The following NEK6 variants were observed in gnomAD, a reference collection of about 807,000 sequenced individuals.
NEK6 encodes serine/threonine-protein kinase Nek6.
NEK6 carries 27 observed loss-of-function variants against 43.5 expected under a neutral mutation model. That is an observed-to-expected ratio of 0.62 (90% CI 0.46 to 0.86). The LOEUF is 0.86. Among genes scored for constraint, NEK6 ranks in the 40% least tolerant of loss-of-function variants. NEK6 has a pLI of 0.00. For missense variants in NEK6, 318 were observed against 414.4 expected, an observed-to-expected ratio of 0.77 and a Z score of 2.02; for synonymous variants, 167 against 164.1, an observed-to-expected ratio of 1.02 and a Z score of -0.14.
At chr9:124,258,549 A>G (rs2065221) in intron 1 of NEK6, among the ~76,000 whole-genome samples, 91,091 of 152,130 alleles carry the variant, frequency 0.6, 27,483 homozygotes, top group East Asian at 0.79. Context: ...GGGCGAAAGT[A>G]TGCCTGTGTG....
chr9:124,292,790 G>A (rs78141533), intron 1 of NEK6: 24,772 of 1,369,320 alleles, frequency 0.018, 520 homozygotes, highest in Non-Finnish European at 0.018. Context: ...TCTGCCAACT[G>A]CTGGGGCCAT....
intron 1 of NEK6, among the ~76,000 whole-genome samples, chr9:124,289,918 G>A (rs1341920684): frequency 6.6e-6 from 1 of 152,144 alleles, no homozygotes; most frequent in Non-Finnish European, 1.5e-5. Flanking sequence ...TGGGCCACCA[G>A]ACCACACACA....
chr9:124,278,227 C>T (rs1008271025), intron 1 of NEK6, among the ~76,000 whole-genome samples: 2 of 152,208 alleles, frequency 1.3e-5, no homozygotes, highest in Non-Finnish European at 2.9e-5. Flanking sequence ...GGAGGCGAGA[C>T]CGTCTGGGTT....
chr9:124,315,041 G>C (rs1833748244), intron 4 of NEK6, among the ~76,000 whole-genome samples: 1 of 152,266 alleles, frequency 6.6e-6, no homozygotes, highest in Admixed American at 6.5e-5. Flanking sequence ...CGAAGCCACA[G>C]CTGCAGAATT....
At chr9:124,323,311 G>A (rs1834165087) in intron 5 of NEK6, among the ~76,000 whole-genome samples, 1 of 152,242 alleles carries the variant, frequency 6.6e-6, no homozygotes, top group South Asian at 2.1e-4. Flanking sequence ...ACAGGGATGG[G>A]AAAGGGAAGG....
intron 1 of NEK6, among the ~76,000 whole-genome samples, chr9:124,272,314 C>G (rs1831474406): frequency 6.6e-6 from 1 of 152,240 alleles, no homozygotes; most frequent in South Asian, 2.1e-4. Context: ...GATCCAGGCG[C>G]TCTGCTGAGA....
In NEK6 at chr9:124,352,050, A is replaced by G. The variant is rs1830303119; in HGVS notation, c.*1103A>G. ...TATTTCTTGTTCCCAAACAGGATTA[A>G]CTGTGAAGACTAATTTATAAATGTG... On this transcript the variant is annotated 3_prime_UTR_variant, in exon 10 of 10. Coordinates refer to ENST00000320246, the MANE Select transcript of NEK6 (RefSeq NM_014397.6). 1 of 152,708 alleles carries G rather than the reference A, an allele frequency of 6.5e-6. No homozygotes were observed. Among genetic ancestry groups the G allele is most frequent in the South Asian group, 2.1e-4 (1 of 4,834 alleles). The allele number at this position is 152,708 out of a possible 1,614,324, so 9.5% of individuals were successfully genotyped here.
chr9:124,313,843 G>A (rs2130869630), intron 3 of NEK6, 80 bp from the exon 4 acceptor site: 1 of 1,454,610 alleles, frequency 6.9e-7, no homozygotes, highest in Non-Finnish European at 9.6e-7. Flanking sequence ...GCCGGGACTG[G>A]AAAGCAGACC....
At chr9:124,278,269 T>G (rs1831729975) in intron 1 of NEK6, among the ~76,000 whole-genome samples, 1 of 152,180 alleles carries the variant, frequency 6.6e-6, no homozygotes, top group African/African-American at 2.4e-5. Flanking sequence ...GTTCACACAG[T>G]GACAAAATCG....
chr9:124,263,598 C>G (rs1256214081), intron 1 of NEK6, among the ~76,000 whole-genome samples: 1 of 152,190 alleles, frequency 6.6e-6, no homozygotes, highest in Non-Finnish European at 1.5e-5. Context: ...CTTTAATGAC[C>G]AAGGACCCAC....
intron 4 of NEK6, among the ~76,000 whole-genome samples, chr9:124,317,070 G>T (rs16927345): frequency 0.04 from 6,140 of 152,294 alleles, 436 homozygotes; most frequent in African/African-American, 0.14. Context: ...TGCCCACGCC[G>T]TAGGTCATGT....
chr9:124,318,398 A>G (rs929570904), intron 4 of NEK6, among the ~76,000 whole-genome samples: 4 of 152,006 alleles, frequency 2.6e-5, no homozygotes, highest in African/African-American at 7.2e-5. Flanking sequence ...TGCACCACGA[A>G]GCCCAGCTAA....
rs1465349908 is a variant in NEK6, at chr9:124,350,142, G to A, written c.832-695G>A. On this transcript the variant is annotated intron_variant, in intron 9 of 9. Coordinates refer to ENST00000320246, the MANE Select transcript of NEK6 (RefSeq NM_014397.6). ...TGCTGCTTCGGCTGCTGTGGCCTGC[G>A]GGGCTGACCACCCCTCCAGCAGCAG... is the stretch of plus-strand genomic sequence containing the variant. Among the ~76,000 whole-genome samples, 8 of 152,314 alleles carry A rather than the reference G, an allele frequency of 5.3e-5. No individual in the cohort carries two copies. In the East Asian group the frequency reaches 5.8e-4, roughly 11 times the overall value.
intron 1 of NEK6, 162 bp downstream of exon 1, chr9:124,258,247 G>A (rs890356492): frequency 4.1e-6 from 4 of 983,320 alleles, no homozygotes; most frequent in Admixed American, 6.2e-5. Flanking sequence ...GGCCGCGCGG[G>A]GCTGAGCGTG....
Position 124,343,294 on chromosome 9 carries a change from A to C in NEK6, c.717+3629A>C, listed in dbSNP as rs1829747814. 8.7e-6 allele frequency among the ~76,000 whole-genome samples: 1 copy of C among 114,722 alleles called. No homozygotes were observed. Among genetic ancestry groups the C allele is most frequent in the Non-Finnish European group, 1.7e-5 (1 of 57,178 alleles). 75.3% of individuals were successfully genotyped at this position (114,722 alleles called of 152,430 possible). A position where few individuals can be genotyped will look rare whatever the true frequency, so the allele number is the denominator to read the frequency against. On this transcript the variant is annotated intron_variant, in intron 8 of 9. Coordinates refer to ENST00000320246, the MANE Select transcript of NEK6 (RefSeq NM_014397.6). This position sits in a 1 kb window ranked among gnomAD's most constrained non-coding sequence, Gnocchi z 5.1. ...GGGGATGGATCGCAGCTGGGGAGGT[A>C]CCGATCGCAGCGAGGGGTGGTGTGG...
intron 8 of NEK6, among the ~76,000 whole-genome samples, chr9:124,342,478 G>A (rs548320482): frequency 6.6e-6 from 1 of 152,364 alleles, no homozygotes; most frequent in East Asian, 1.9e-4. Flanking sequence ...TAGAATGAGT[G>A]GCCAGCCCAC....
At chr9:124,333,567 G>C (rs1053395713) in intron 7 of NEK6, among the ~76,000 whole-genome samples, 1 of 152,126 alleles carries the variant, frequency 6.6e-6, no homozygotes, top group Middle Eastern at 3.2e-3. Flanking sequence ...GATGCTCACC[G>C]AGCGTCTGAA....
At chr9:124,334,056 C>G (rs1588531292) in intron 7 of NEK6, among the ~76,000 whole-genome samples, 1 of 152,200 alleles carries the variant, frequency 6.6e-6, no homozygotes, top group Non-Finnish European at 1.5e-5. Context: ...GGATTACAGG[C>G]GTGAGCCACC....
intron 1 of NEK6, among the ~76,000 whole-genome samples, chr9:124,287,877 A>G (rs1349889117): frequency 1.3e-5 from 2 of 152,236 alleles, no homozygotes; most frequent in African/African-American, 2.4e-5. Flanking sequence ...CTCTGGAACC[A>G]TGAGCCCTGT....
Sources: allele counts gnomAD v4.1 joint callset (sites outside exome capture counted in the v4.1 genomes callset), GRCh38; gene constraint gnomAD v4.1.1; non-coding constraint Gnocchi (gnomAD v3.1); transcripts MANE v1.5; gene names NCBI Gene and HGNC (gene_info 2026-07-23, HGNC 2026-07-21).